The following SMCO4 variants were observed in gnomAD, a reference collection of about 807,000 sequenced individuals.
SMCO4 encodes the protein single-pass membrane and coiled-coil domain-containing protein 4.
A neutral mutation model predicts 3.6 loss-of-function variants in SMCO4; 4 were observed. The observed-to-expected ratio is 1.11, with a 90% CI of 0.54 to 2.53. The LOEUF is 2.53. Among genes scored for constraint, SMCO4 ranks in the 30% most tolerant of loss-of-function variants. The pLI, the probability that SMCO4 is intolerant of heterozygous loss-of-function variation, is 0.02. For missense variants in SMCO4, 70 were observed against 80.8 expected, an observed-to-expected ratio of 0.87 and a Z score of 0.51; for synonymous variants, 36 against 35.3, an observed-to-expected ratio of 1.02 and a Z score of -0.07.
intron 1 of SMCO4, among the ~76,000 whole-genome samples, chr11:93,516,515 C>T (rs960281526): frequency 2.0e-5 from 3 of 152,166 alleles, no homozygotes; most frequent in African/African-American, 7.2e-5. Flanking sequence ...ATCGTCTAGG[C>T]GTGGTGGCTC....
At chr11:93,535,401 A>G (rs771754750) in intron 1 of SMCO4, 4 of 921,614 alleles carry the variant, frequency 4.3e-6, no homozygotes, top group Non-Finnish European at 6.6e-6. Context: ...AATAAGAATC[A>G]AGAAGCCAAA....
chr11:93,534,023 T>G (rs1949188231), intron 1 of SMCO4, among the ~76,000 whole-genome samples: 1 of 151,748 alleles, frequency 6.6e-6, no homozygotes, highest in African/African-American at 2.4e-5. Context: ...AAACCCCATC[T>G]CTACTAAAAA....
chr11:93,496,981 AAG>A (rs966912471), intron 2 of SMCO4, among the ~76,000 whole-genome samples: 9 of 152,190 alleles, frequency 5.9e-5, no homozygotes, highest in African/African-American at 2.2e-4. Context: ...ATGTTAATCT[AAG>A]AGAGTATCAG....
At chr11:93,490,639 T>A (rs966329888) in intron 2 of SMCO4, among the ~76,000 whole-genome samples, 3 of 152,218 alleles carry the variant, frequency 2.0e-5, no homozygotes, top group Non-Finnish European at 4.4e-5. Flanking sequence ...ATATATTTAA[T>A]GGTTAAATCG....
chr11:93,501,074 T>C (rs117051576), intron 1 of SMCO4, among the ~76,000 whole-genome samples: 10,485 of 152,260 alleles, frequency 0.069, 484 homozygotes, highest in Non-Finnish European at 0.11. Context: ...CTGCTGCTCG[T>C]CCCAGACCTA....
chr11:93,495,772 T>C (rs2134589188), intron 2 of SMCO4, among the ~76,000 whole-genome samples: 1 of 152,332 alleles, frequency 6.6e-6, no homozygotes, highest in South Asian at 2.1e-4. Flanking sequence ...GAAATAGTGG[T>C]CCACCTCTGT....
At chr11:93,500,934 T>C (rs748162315) in intron 1 of SMCO4, among the ~76,000 whole-genome samples, 2 of 152,212 alleles carry the variant, frequency 1.3e-5, no homozygotes, top group African/African-American at 4.8e-5. Flanking sequence ...AGGGGCTCAC[T>C]GGAGCATCAG....
chr11:93,498,866 C>T (rs1396896833), intron 2 of SMCO4, among the ~76,000 whole-genome samples: 1 of 152,114 alleles, frequency 6.6e-6, no homozygotes, highest in African/African-American at 2.4e-5. Flanking sequence ...GTCCCAGGCA[C>T]AACTCAGATG....
At chr11:93,499,158 C>G (rs1294836681) in intron 2 of SMCO4, 118 bp downstream of exon 2, 1 of 152,150 alleles carries the variant, frequency 6.6e-6, no homozygotes, top group Admixed American at 6.5e-5. Context: ...TGAAGAGGAA[C>G]TTGGCCAGGC....
At chr11:93,502,826 T>G (rs1948855792) in intron 1 of SMCO4, among the ~76,000 whole-genome samples, 2 of 152,224 alleles carry the variant, frequency 1.3e-5, no homozygotes, top group South Asian at 4.1e-4. Context: ...ATGCAGCCAT[T>G]AAAAATGACA....
At chr11:93,496,340 T>C (rs1441010337) in intron 2 of SMCO4, among the ~76,000 whole-genome samples, 2 of 152,080 alleles carry the variant, frequency 1.3e-5, no homozygotes, top group African/African-American at 4.8e-5. Flanking sequence ...AAGAAAAAGA[T>C]GAGTATTAAC....
chr11:93,534,398 A>AT (rs1157579206), intron 1 of SMCO4, among the ~76,000 whole-genome samples: 2 of 145,950 alleles, frequency 1.4e-5, no homozygotes, highest in South Asian at 2.2e-4. Context: ...AGAGAGAGAT[A>AT]CATATATATA....
chr11:93,491,010 T>A (rs1023422209), intron 2 of SMCO4, among the ~76,000 whole-genome samples: 3 of 152,258 alleles, frequency 2.0e-5, no homozygotes, highest in Non-Finnish European at 4.4e-5. Flanking sequence ...GCAATGTGTG[T>A]GAAAATGCTC....
At chr11:93,542,077 T>A (rs1404049993) in intron 1 of SMCO4, among the ~76,000 whole-genome samples, 1 of 150,088 alleles carries the variant, frequency 6.7e-6, no homozygotes, top group Non-Finnish European at 1.5e-5. Flanking sequence ...TGACCAGGCA[T>A]ACTGGTGTCT....
intron 1 of SMCO4, among the ~76,000 whole-genome samples, chr11:93,530,297 A>G (rs1388188704): frequency 2.0e-5 from 3 of 152,074 alleles, no homozygotes; most frequent in Non-Finnish European, 4.4e-5. Context: ...ACAGTTTCCT[A>G]GCAATTCCTG....
chr11:93,520,969 C>T (rs115791326), intron 1 of SMCO4, among the ~76,000 whole-genome samples: 443 of 152,286 alleles, frequency 2.9e-3, no homozygotes, highest in African/African-American at 0.01. Flanking sequence ...ATCACTGTGT[C>T]GACACAAAAC....
intron 1 of SMCO4, among the ~76,000 whole-genome samples, chr11:93,540,958 A>T (rs1949266302): frequency 1.3e-5 from 2 of 152,244 alleles, no homozygotes. Flanking sequence ...CCTCAAACTC[A>T]GAGAGAACCA....
At chr11:93,488,206 C>T (rs1054946045) in intron 2 of SMCO4, among the ~76,000 whole-genome samples, 3 of 152,176 alleles carry the variant, frequency 2.0e-5, no homozygotes, top group Non-Finnish European at 2.9e-5. Flanking sequence ...CAGGGCAGGA[C>T]CCATGCACAG....
At chr11:93,551,263 T>C in the SMCO4 span, among the ~76,000 whole-genome samples, 1 of 152,342 alleles carries the variant, frequency 6.6e-6, no homozygotes, top group Non-Finnish European at 1.5e-5. Flanking sequence ...AAGTTTTATA[T>C]TGAAAGGTCA....
Sources: allele counts gnomAD v4.1 joint callset (sites outside exome capture counted in the v4.1 genomes callset), GRCh38; gene constraint gnomAD v4.1.1; transcripts MANE v1.5; gene names NCBI Gene and HGNC (gene_info 2026-07-23, HGNC 2026-07-21).